The following KLHL2 variants were observed in gnomAD, a reference collection of about 807,000 sequenced individuals.
KLHL2 encodes kelch like family member 2, also known as kelch-like protein 2.
KLHL2 carries 15 observed loss-of-function variants against 75.8 expected under a neutral mutation model. The ratio of observed to expected loss-of-function variants is 0.20; its 90% CI spans 0.13 to 0.30. The LOEUF (loss-of-function observed/expected upper bound fraction) is 0.30. KLHL2 is among the 10% of genes least tolerant of loss of function. The pLI, the probability that KLHL2 is intolerant of heterozygous loss-of-function variation, is 1.00. For missense variants in KLHL2, 381 were observed against 741.0 expected (o/e 0.51, Z 5.64); for synonymous variants, 214 against 251.9 (o/e 0.85, Z 1.42).
At chr4:165,221,394 A>T (rs1327767334) in intron 2 of KLHL2, among the ~76,000 whole-genome samples, 1 of 152,180 alleles carries the variant, frequency 6.6e-6, no homozygotes, top group Admixed American at 6.5e-5. Context: ...TAAAGTCAGG[A>T]TGGGAGTGAG....
chr4:165,269,037 G>A (rs1742469846), intron 5 of KLHL2, among the ~76,000 whole-genome samples: 2 of 152,170 alleles, frequency 1.3e-5, no homozygotes, highest in South Asian at 2.1e-4. Flanking sequence ...AGCTATTCTT[G>A]TTGAATTGAT....
chr4:165,278,967 T>A (rs28435142), intron 5 of KLHL2: 1 of 1,496,548 alleles, frequency 6.7e-7, no homozygotes, highest in African/African-American at 1.4e-5. Flanking sequence ...AGAATTTCCA[T>A]TGGAATTCCA....
At chr4:165,294,502 A>T in intron 6 of KLHL2, 34 bp downstream of exon 6, 5 of 1,127,208 alleles carry the variant, frequency 4.4e-6, no homozygotes, top group Non-Finnish European at 6.5e-6. Context: ...GTGTGCAATG[A>T]TGTTTCCCTT....
At chr4:165,291,439 T>C (rs935946930) in intron 5 of KLHL2, among the ~76,000 whole-genome samples, 2 of 152,224 alleles carry the variant, frequency 1.3e-5, no homozygotes, top group African/African-American at 2.4e-5. Context: ...TCCTATGTTA[T>C]CTTCTAGAAG....
At chr4:165,246,605 G>A (rs1441082020) in intron 4 of KLHL2, among the ~76,000 whole-genome samples, 6 of 152,282 alleles carry the variant, frequency 3.9e-5, no homozygotes, top group East Asian at 1.9e-4. Context: ...TTTGCATGAC[G>A]GTATGGAGGA....
intron 5 of KLHL2, among the ~76,000 whole-genome samples, chr4:165,274,764 A>C (rs534206605): frequency 1.2e-4 from 19 of 152,358 alleles, no homozygotes; most frequent in Non-Finnish European, 2.2e-4. Context: ...GTATAATGAA[A>C]AAATTAACAG....
chr4:165,322,090 C>T lies in KLHL2; in HGVS notation c.*30C>T. 1.3e-6 allele frequency: 2 copies of T among 1,594,554 alleles called. No individual in the cohort carries two copies. The highest frequency in any genetic ancestry group is 1.3e-5 in the African/African-American group (1 of 74,624). On this transcript the variant is annotated 3_prime_UTR_variant, in exon 15 of 15. Transcript: ENST00000226725. ...GAAGGACATTTTCAGCATATTTATA[C>T]ATGAGAAACAGCCTTCAACAAGTAT...
chr4:165,266,523 C>T (rs966984532), intron 5 of KLHL2, among the ~76,000 whole-genome samples: 9 of 152,184 alleles, frequency 5.9e-5, no homozygotes, highest in Non-Finnish European at 1.3e-4. Flanking sequence ...GATCCAGTTT[C>T]AGCTTTCTGC....
intron 5 of KLHL2, among the ~76,000 whole-genome samples, chr4:165,288,732 T>A (rs545395006): frequency 2.3e-4 from 35 of 152,278 alleles, no homozygotes; most frequent in African/African-American, 7.9e-4. Context: ...AGTATATTTG[T>A]AGGATGAGAT....
Position 165,322,081 on chromosome 4 carries a change from A to C in KLHL2, c.*21A>C. 1 of 1,606,562 alleles carries C rather than the reference A, an allele frequency of 6.2e-7. No individual in the cohort carries two copies. Among genetic ancestry groups the C allele is most frequent in the Non-Finnish European group, 8.5e-7 (1 of 1,173,188 alleles). ...TATGAGCCTGAAGGACATTTTCAGCATATTTATACATGAGAAACAGCCTTC... is the reference window on the plus strand; with the variant it reads ...TATGAGCCTGAAGGACATTTTCAGCCTATTTATACATGAGAAACAGCCTTC... On this transcript the variant is annotated 3_prime_UTR_variant, in exon 15 of 15. Coordinates refer to ENST00000226725, the MANE Select transcript of KLHL2 (RefSeq NM_007246.4).
intron 7 of KLHL2, among the ~76,000 whole-genome samples, chr4:165,298,092 G>T (rs116268787): frequency 3.3e-5 from 5 of 152,274 alleles, no homozygotes; most frequent in African/African-American, 1.2e-4. Context: ...CAAACTACTG[G>T]GATTACAGGC....
At chr4:165,283,514 A>G (rs1473242194) in intron 5 of KLHL2, among the ~76,000 whole-genome samples, 1 of 152,214 alleles carries the variant, frequency 6.6e-6, no homozygotes, top group Non-Finnish European at 1.5e-5. Flanking sequence ...CTCCAGAATG[A>G]TCTCCTTTGA....
intron 5 of KLHL2, among the ~76,000 whole-genome samples, chr4:165,287,744 C>G (rs1350607849): frequency 6.6e-6 from 1 of 152,102 alleles, no homozygotes; most frequent in Non-Finnish European, 1.5e-5. Flanking sequence ...GTTGTATTTT[C>G]TCTGATGATT....
chr4:165,274,191 C>T lies in KLHL2; in HGVS notation c.544+10832C>T, dbSNP rs573931294. The stretch of plus-strand genomic sequence containing the variant: ...ATAGCAATAGATGACTCAATACATA[C>T]ATACATATATACATGTAAAGCAGAA... On this transcript the variant is annotated intron_variant, in intron 5 of 14. Coordinates refer to ENST00000226725, the MANE Select transcript of KLHL2 (RefSeq NM_007246.4). Among the ~76,000 whole-genome samples, 5 of 152,052 alleles carry T rather than the reference C, an allele frequency of 3.3e-5. No individual in the cohort carries two copies. The East Asian group carries it at 7.7e-4, about 24-fold the overall frequency.
chr4:165,308,888 G>T (rs1745938167), intron 9 of KLHL2, among the ~76,000 whole-genome samples: 2 of 152,140 alleles, frequency 1.3e-5, no homozygotes, highest in South Asian at 4.1e-4. Flanking sequence ...GCCAAAACAG[G>T]CAACTTCATC....
At position 165,314,460 on chromosome 4, in the gene KLHL2, C is replaced by T. The variant is rs1303056175; in HGVS notation, c.1609+294C>T. ...GGAGACTAATTAAATTAGGTGTAGA[C>T]CCTTTAAATGATACTGAATTCATTC... On this transcript the variant is annotated intron_variant, in intron 13 of 14. Transcript: ENST00000226725. Among the ~76,000 whole-genome samples, 3 of 152,098 alleles carry T rather than the reference C, an allele frequency of 2.0e-5. No homozygotes were observed. In the East Asian group the frequency reaches 5.8e-4, roughly 29 times the overall value.
chr4:165,296,767 C>G (rs1041009244), intron 6 of KLHL2, among the ~76,000 whole-genome samples: 1 of 152,140 alleles, frequency 6.6e-6, no homozygotes, highest in African/African-American at 2.4e-5. Flanking sequence ...TTCACCTAAT[C>G]TCTGGCACCT....
intron 12 of KLHL2, 60 bp from the exon 13 acceptor site, chr4:165,313,965 CT>C: frequency 2.0e-6 from 3 of 1,522,628 alleles, no homozygotes; most frequent in Non-Finnish European, 2.7e-6. Context: ...TTAAATAAAC[CT>C]AATATGATAT....
At chr4:165,241,856 T>G (rs1214789386) in intron 4 of KLHL2, among the ~76,000 whole-genome samples, 1 of 152,138 alleles carries the variant, frequency 6.6e-6, no homozygotes, top group Non-Finnish European at 1.5e-5. Flanking sequence ...TAACTTGGAG[T>G]CAGAATGAGG....
Sources: allele counts gnomAD v4.1 joint callset (sites outside exome capture counted in the v4.1 genomes callset), GRCh38; gene constraint gnomAD v4.1.1; transcripts MANE v1.5; gene names NCBI Gene and HGNC (gene_info 2026-07-23, HGNC 2026-07-21).